Variants in AGO2 observed in about 807,000 individuals in gnomAD.
The protein encoded by AGO2 is argonaute RISC catalytic component 2, also known as protein argonaute-2.
In AGO2, 5 loss-of-function variants were observed where a neutral mutation model predicts 102.3. That is an observed-to-expected ratio of 0.05 (90% CI 0.03 to 0.10). AGO2 has a LOEUF of 0.10. Among genes scored for constraint, AGO2 ranks in the 10% least tolerant of loss-of-function variants. The pLI is 1.00. For synonymous variants in AGO2, 449 were observed against 473.1 expected (o/e 0.95, Z 0.66); for missense variants, 541 against 1,183.7 (o/e 0.46, Z 7.97).
At chr8:140,579,985 G>A (rs1241116902) in intron 2 of AGO2, among the ~76,000 whole-genome samples, 1 of 152,266 alleles carries the variant, frequency 6.6e-6, no homozygotes, top group African/African-American at 2.4e-5. Context: ...GGAGGAAGAG[G>A]GGCAGGGGAA....
rs918992349 is a variant in AGO2 at position 140,622,203 on chromosome 8, G to A, written c.22+13282C>T. On this transcript the variant is annotated intron_variant, in intron 1 of 18. Coordinates refer to ENST00000220592, the MANE Select transcript of AGO2 (RefSeq NM_012154.5). ...ACAGGTCAATCCAGTGAGACGGAACGCAGATGGGTAGTTCCCAGGGGCTGG... is the reference window on the plus strand; with the variant it reads ...ACAGGTCAATCCAGTGAGACGGAACACAGATGGGTAGTTCCCAGGGGCTGG... Among the ~76,000 whole-genome samples the A allele has an allele frequency of 9.8e-5, 15 of 152,328 alleles. No individual in the cohort carries two copies. The East Asian group carries it at 2.7e-3, about 27-fold the overall frequency.
intron 12 of AGO2, among the ~76,000 whole-genome samples, chr8:140,548,591 C>T (rs1407941217): frequency 2.0e-5 from 3 of 152,184 alleles, no homozygotes; most frequent in Non-Finnish European, 4.4e-5. Context: ...ACAGCTTTTT[C>T]TTCCCTTCTT....
the AGO2 span, among the ~76,000 whole-genome samples, chr8:140,641,740 C>CTGTTGGTCGTAAGCT: frequency 6.6e-6 from 1 of 152,122 alleles, no homozygotes; most frequent in African/African-American, 2.4e-5. Flanking sequence ...TGCACAACCA[C>CTGTTGGTCGTAAGCT]GCCTGGCTAA....
chr8:140,634,436 G>A (rs1332702294), intron 1 of AGO2, among the ~76,000 whole-genome samples: 1 of 152,210 alleles, frequency 6.6e-6, no homozygotes, highest in Non-Finnish European at 1.5e-5. Flanking sequence ...CGGCCCGGCT[G>A]GGGCCCAGCG....
intron 3 of AGO2, 153 bp downstream of exon 3, chr8:140,572,659 A>T: frequency 9.2e-7 from 1 of 1,089,614 alleles, no homozygotes. Flanking sequence ...GGTAGTTTTT[A>T]TGGATCTCAG....
At chr8:140,601,792 A>G (rs1413157105) in intron 1 of AGO2, among the ~76,000 whole-genome samples, 1 of 152,184 alleles carries the variant, frequency 6.6e-6, no homozygotes, top group Non-Finnish European at 1.5e-5. Context: ...AAATTTTAGA[A>G]TATTTTTTAT....
At position 140,560,317 on chromosome 8, in the gene AGO2, AC is replaced by A. The variant is rs2073177586; in HGVS notation, c.655+56del. 8 of 1,580,662 alleles carry A rather than the reference AC, an allele frequency of 5.1e-6. No homozygotes were observed. The East Asian group carries it at 6.8e-5, about 13-fold the overall frequency. ...ATGCCACCCCCCGACCGGGGTCCTG[AC>A]CCCCCAGCCCATGCCCAACCCTGCC... is the stretch of plus-strand genomic sequence containing the variant. On this transcript the variant is annotated intron_variant, in intron 5 of 18. Coordinates refer to ENST00000220592, the MANE Select transcript of AGO2 (RefSeq NM_012154.5).
chr8:140,615,538 G>C (rs2074131204), intron 1 of AGO2, among the ~76,000 whole-genome samples: 1 of 152,256 alleles, frequency 6.6e-6, no homozygotes, highest in African/African-American at 2.4e-5. Flanking sequence ...GAACCAGCAT[G>C]AAGTGGGGCC....
rs958523245 is a variant in AGO2, at chr8:140,528,746, A to G, written c.*3298T>C. 1 of 152,234 alleles carries G rather than the reference A, an allele frequency of 6.6e-6. No homozygotes were observed. Among genetic ancestry groups the G allele is most frequent in the South Asian group, 2.1e-4 (1 of 4,838 alleles). 9.4% of individuals were successfully genotyped at this position (152,234 alleles called of 1,614,324 possible). ...ACGATCCCTTTCTAAAAGTACAGCT[A>G]TGCCCAGTTTTACAAAATTTATCCA... is the stretch of plus-strand genomic sequence containing the variant. On this transcript the variant is annotated 3_prime_UTR_variant, in exon 19 of 19. Transcript: ENST00000220592. The surrounding 1 kb of genome is among the most constrained non-coding windows in gnomAD (Gnocchi z 4.5).
chr8:140,560,618 C>A (rs1019741416), intron 4 of AGO2, 108 bp from the exon 5 acceptor site: 5 of 1,326,338 alleles, frequency 3.8e-6, no homozygotes, highest in African/African-American at 1.5e-5. Context: ...ATCAGAGTTC[C>A]GTTTCCCCTC....
chr8:140,590,156 C>T (rs374421675), intron 1 of AGO2, among the ~76,000 whole-genome samples: 6 of 152,218 alleles, frequency 3.9e-5, no homozygotes, highest in East Asian at 1.9e-4. Flanking sequence ...TTCACAGAGA[C>T]GCGTCTGGCC....
At chr8:140,583,362 A>G (rs2073587547) in intron 2 of AGO2, among the ~76,000 whole-genome samples, 1 of 152,142 alleles carries the variant, frequency 6.6e-6, no homozygotes, top group South Asian at 2.1e-4. Context: ...ATCCCCTCTC[A>G]TATCTATAGA....
intron 1 of AGO2, among the ~76,000 whole-genome samples, chr8:140,588,907 C>G (rs1228073332): frequency 6.6e-6 from 1 of 152,248 alleles, no homozygotes; most frequent in Non-Finnish European, 1.5e-5. Flanking sequence ...CGGCATCACT[C>G]AGCACATTTG....
At chr8:140,604,123 C>G (rs974660934) in intron 1 of AGO2, among the ~76,000 whole-genome samples, 1 of 152,194 alleles carries the variant, frequency 6.6e-6, no homozygotes, top group African/African-American at 2.4e-5. Context: ...AGACACAGTA[C>G]GAAATGCTGC....
At chr8:140,537,692 A>C (rs2072721832) in intron 16 of AGO2, among the ~76,000 whole-genome samples, 1 of 152,066 alleles carries the variant, frequency 6.6e-6, no homozygotes, top group African/African-American at 2.4e-5. Flanking sequence ...CGTGTTCATC[A>C]ATTTCTCCTT....
chr8:140,558,744 G>T (rs528250547), intron 6 of AGO2, among the ~76,000 whole-genome samples, 172 bp from the exon 7 acceptor site: 221 of 152,334 alleles, frequency 1.5e-3, no homozygotes, highest in African/African-American at 5.0e-3. Context: ...ACCCCAGCCG[G>T]GTCCGTCTCA....
rs117060410 is a variant in AGO2 at position 140,587,899 on chromosome 8, G to A, written c.23-2588C>T. Among the ~76,000 whole-genome samples, 765 of 152,280 alleles carry A rather than the reference G, an allele frequency of 5.0e-3. 7 individuals are homozygous for A. Among genetic ancestry groups the A allele is most frequent in the Non-Finnish European group, 8.6e-3 (586 of 68,024 alleles). ...AAGATGCCACCACACTGGCATTCAC[G>A]GAGCAGGTCCTGGCTCCCACTGCCT... On this transcript the variant is annotated intron_variant, in intron 1 of 18. Transcript: ENST00000220592.
chr8:140,595,726 T>C (rs1221569091), intron 1 of AGO2, among the ~76,000 whole-genome samples: 2 of 131,228 alleles, frequency 1.5e-5, no homozygotes, highest in African/African-American at 2.8e-5. Context: ...TATTATATAA[T>C]ATGTAAATGT....
intron 1 of AGO2, among the ~76,000 whole-genome samples, chr8:140,631,629 C>T (rs958478398): frequency 2.0e-5 from 3 of 151,992 alleles, no homozygotes; most frequent in Non-Finnish European, 4.4e-5. Flanking sequence ...AGGCGGAAGG[C>T]AGAGACCCAA....
Sources: allele counts gnomAD v4.1 joint callset (sites outside exome capture counted in the v4.1 genomes callset), GRCh38; gene constraint gnomAD v4.1.1; non-coding constraint Gnocchi (gnomAD v3.1); transcripts MANE v1.5; gene names NCBI Gene and HGNC (gene_info 2026-07-23, HGNC 2026-07-21).